The following TMEM132D variants were observed in gnomAD, a reference collection of about 807,000 sequenced individuals.
TMEM132D encodes mature OL transmembrane protein.
Under a neutral mutation model 62.3 loss-of-function variants are expected in TMEM132D, and 21 were observed. The ratio of observed to expected loss-of-function variants is 0.34; its 90% CI spans 0.24 to 0.49. The LOEUF is 0.49. TMEM132D is among the 20% of genes least tolerant of loss of function. The pLI is 0.99. For synonymous variants in TMEM132D, 621 were observed against 575.6 expected, an observed-to-expected ratio of 1.08 and a Z score of -1.13; for missense variants, 1,346 against 1,402.8, an observed-to-expected ratio of 0.96 and a Z score of 0.65.
chr12:129,513,804 TTTTATTTATTTATTTATTTATTTATTTA>T (rs201593908), intron 3 of TMEM132D, among the ~76,000 whole-genome samples: 1 of 133,992 alleles, frequency 7.5e-6, no homozygotes, highest in Non-Finnish European at 1.6e-5. Context: ...CAATTTTTAT[TTTTATTTATTTATTTATTTATTTATTTA>T]TTTATTTATT....
At chr12:129,077,773 C>T (rs1234759930) in intron 8 of TMEM132D, among the ~76,000 whole-genome samples, 1 of 152,082 alleles carries the variant, frequency 6.6e-6, no homozygotes, top group Non-Finnish European at 1.5e-5. Flanking sequence ...TCACAACACA[C>T]ATATATACAT....
At chr12:129,618,907 G>C (rs986576718) in intron 2 of TMEM132D, among the ~76,000 whole-genome samples, 3 of 152,200 alleles carry the variant, frequency 2.0e-5, no homozygotes, top group African/African-American at 7.2e-5. Context: ...ATCTGGAAGG[G>C]CAGGACAACT....
intron 5 of TMEM132D, among the ~76,000 whole-genome samples, chr12:129,155,069 G>A (rs776314493): frequency 7.6e-4 from 116 of 152,252 alleles, no homozygotes; most frequent in Non-Finnish European, 2.2e-4. Flanking sequence ...AACGAGAGAT[G>A]CTTGGTATAA....
intron 4 of TMEM132D, among the ~76,000 whole-genome samples, chr12:129,248,728 A>C (rs1361161002): frequency 6.6e-6 from 1 of 152,098 alleles, no homozygotes; most frequent in African/African-American, 2.4e-5. Context: ...ACCCTCTGTT[A>C]GACCCTATCG....
intron 3 of TMEM132D, among the ~76,000 whole-genome samples, chr12:129,382,186 A>G (rs373786810): frequency 2.2e-4 from 33 of 152,244 alleles, no homozygotes; most frequent in African/African-American, 8.0e-4. Flanking sequence ...TCTGGTAACC[A>G]AACAAATTCA....
intron 2 of TMEM132D, among the ~76,000 whole-genome samples, chr12:129,651,820 A>G (rs1879935293): frequency 6.6e-6 from 1 of 152,238 alleles, no homozygotes; most frequent in Admixed American, 6.5e-5. Context: ...ACATGTATAC[A>G]GTAGGAACTC....
chr12:129,159,075 G>C (rs994475477), intron 5 of TMEM132D, among the ~76,000 whole-genome samples: 1 of 152,198 alleles, frequency 6.6e-6, no homozygotes, highest in African/African-American at 2.4e-5. Flanking sequence ...TTCCAGATGA[G>C]ATTTGGGTGG....
Position 129,813,876 on chromosome 12 carries a change from A to C in TMEM132D, c.79+89385T>G, listed in dbSNP as rs139989573. ...TCAACACAACTAAAATAAAAGCAAGAACGTGTTTATCTAAAACCATAACCA... is the reference window on the plus strand; with the variant it reads ...TCAACACAACTAAAATAAAAGCAAGCACGTGTTTATCTAAAACCATAACCA... On this transcript the variant is annotated intron_variant, in intron 1 of 8. Transcript: ENST00000422113. 2.8e-4 allele frequency among the ~76,000 whole-genome samples: 42 copies of C among 152,246 alleles called. 1 individual carries two copies. In the East Asian group the frequency reaches 7.9e-3, roughly 29 times the overall value.
intron 1 of TMEM132D, among the ~76,000 whole-genome samples, chr12:129,764,882 A>T (rs1870501984): frequency 6.6e-6 from 1 of 152,166 alleles, no homozygotes; most frequent in African/African-American, 2.4e-5. Flanking sequence ...TTGAGGCTGC[A>T]GTGAGCTGTG....
intron 5 of TMEM132D, among the ~76,000 whole-genome samples, chr12:129,159,134 C>T (rs1272896144): frequency 1.3e-5 from 2 of 152,184 alleles, no homozygotes; most frequent in Non-Finnish European, 2.9e-5. Flanking sequence ...GTAGCTGAGA[C>T]TTCAAGTAGA....
chr12:129,328,409 G>T (rs755777283), intron 4 of TMEM132D, among the ~76,000 whole-genome samples: 1 of 152,186 alleles, frequency 6.6e-6, no homozygotes, highest in African/African-American at 2.4e-5. Context: ...TTCACTGATA[G>T]CAACTGGTTG....
chr12:129,320,977 C>T (rs2128279), intron 4 of TMEM132D, among the ~76,000 whole-genome samples: 136,400 of 150,208 alleles, frequency 0.91, 62,364 homozygotes, highest in East Asian at 1. Flanking sequence ...TATCTATCTA[C>T]CTACCTACCT....
At position 129,320,963 on chromosome 12, in the gene TMEM132D, A is replaced by AATCT. The variant is rs529295913; in HGVS notation, c.1299+16667_1299+16670dup. Among the ~76,000 whole-genome samples the AATCT allele has an allele frequency of 4.4e-3, 662 of 151,912 alleles. 7 individuals are homozygous for AATCT. Among genetic ancestry groups the AATCT allele is most frequent in the African/African-American group, 0.015 (629 of 41,416 alleles). ...CCACCCACTAGACATTATTTATACA[A>AATCT]ATCTATCTATCTACCTACCTACCTA... On this transcript the variant is annotated intron_variant, in intron 4 of 8. Coordinates refer to ENST00000422113, the MANE Select transcript of TMEM132D (RefSeq NM_133448.3).
intron 4 of TMEM132D, among the ~76,000 whole-genome samples, chr12:129,228,536 C>T (rs530693487): frequency 2.0e-5 from 3 of 152,282 alleles, no homozygotes; most frequent in East Asian, 1.9e-4. Flanking sequence ...CGTGCTTCAG[C>T]CCTGGCAATC....
intron 1 of TMEM132D, among the ~76,000 whole-genome samples, chr12:129,814,611 C>CAA (rs34979485): frequency 0.2 from 18,817 of 94,142 alleles, 2,357 homozygotes; most frequent in East Asian, 0.46. Flanking sequence ...AACTCCCTCT[C>CAA]AAAAAAAAAA....
intron 1 of TMEM132D, among the ~76,000 whole-genome samples, chr12:129,711,619 T>C (rs1268905573): frequency 6.6e-6 from 1 of 150,426 alleles, no homozygotes; most frequent in African/African-American, 2.5e-5. Context: ...CCCAGCTACT[T>C]AGGAGGCTGA....
At chr12:129,694,840 C>G (rs1302795244) in intron 2 of TMEM132D, among the ~76,000 whole-genome samples, 1 of 152,116 alleles carries the variant, frequency 6.6e-6, no homozygotes, top group Admixed American at 6.6e-5. Flanking sequence ...AACCCCGTCT[C>G]TACTAAAAAT....
chr12:129,334,073 A>G (rs1021388096), intron 4 of TMEM132D, among the ~76,000 whole-genome samples: 1 of 152,094 alleles, frequency 6.6e-6, no homozygotes, highest in Non-Finnish European at 1.5e-5. Context: ...ATGAGCTGAG[A>G]TCACGCCACT....
intron 2 of TMEM132D, among the ~76,000 whole-genome samples, chr12:129,683,621 G>A (rs1306470746): frequency 6.6e-6 from 1 of 152,110 alleles, no homozygotes. Flanking sequence ...TCCCATGAGT[G>A]TCTACATGGA....
Sources: gnomAD v4.1 joint callset for allele counts (sites outside exome capture counted in the v4.1 genomes callset) on GRCh38, gnomAD v4.1.1 for gene constraint, MANE v1.5 for transcripts, NCBI Gene and HGNC (gene_info 2026-07-23, HGNC 2026-07-21) for gene names.